TRIO: variants seen among roughly 807,000 people sequenced by gnomAD.
TRIO encodes trio Rho guanine nucleotide exchange factor, also known as triple functional domain protein.
In TRIO, 58 loss-of-function variants were observed where a neutral mutation model predicts 351.9. That is an observed-to-expected ratio of 0.16 (90% CI 0.13 to 0.21). The LOEUF (loss-of-function observed/expected upper bound fraction) is 0.21. Ranked by LOEUF, TRIO falls within the 10% of genes least tolerant of loss-of-function variation. The pLI is 1.00. For synonymous variants in TRIO, 1,758 were observed against 1,595.7 expected, an observed-to-expected ratio of 1.10 and a Z score of -2.42; for missense variants, 3,201 against 4,027.8, an observed-to-expected ratio of 0.79 and a Z score of 5.56.
At chr5:14,507,000 C>G (rs1296198536) in intron 55 of TRIO, 122 bp from the exon 56 acceptor site, 9 of 1,339,416 alleles carry the variant, frequency 6.7e-6, no homozygotes, top group Non-Finnish European at 8.8e-6. Context: ...AGAGGCACGG[C>G]CCTGAGATCC....
chr5:14,203,764 G>C (rs1414399798), intron 1 of TRIO, among the ~76,000 whole-genome samples: 2 of 152,088 alleles, frequency 1.3e-5, no homozygotes, highest in Non-Finnish European at 2.9e-5. Context: ...CCTGCCCCTT[G>C]CTAGGTGCTG....
Position 14,497,825 on chromosome 5 carries a change from T to C in TRIO, c.8020-22T>C. 1 of 1,614,202 alleles carries C rather than the reference T, an allele frequency of 6.2e-7. No homozygotes were observed. The highest frequency in any genetic ancestry group is 8.5e-7 in the Non-Finnish European group (1 of 1,180,008). On this transcript the variant is annotated intron_variant, in intron 50 of 56. Coordinates refer to ENST00000344204, the MANE Select transcript of TRIO (RefSeq NM_007118.4). The surrounding 1 kb of genome is among the most constrained non-coding windows in gnomAD (Gnocchi z 4.4). ...TAAAGTAGCTCATTTCAGTTAATGC[T>C]TGTTTGCTGTTTCCATTTCAGCTTC... is the stretch of plus-strand genomic sequence containing the variant.
intron 9 of TRIO, among the ~76,000 whole-genome samples, chr5:14,320,360 G>C (rs763183029): frequency 1.3e-5 from 2 of 152,136 alleles, no homozygotes; most frequent in Admixed American, 6.5e-5. Flanking sequence ...TTCGGCTGGC[G>C]TGGCTCTTCT....
intron 18 of TRIO, among the ~76,000 whole-genome samples, chr5:14,370,068 A>G (rs1169863284): frequency 6.6e-6 from 1 of 152,118 alleles, no homozygotes; most frequent in Non-Finnish European, 1.5e-5. Flanking sequence ...CTCTCTGAGA[A>G]GCTTTAATGA....
intron 2 of TRIO, among the ~76,000 whole-genome samples, chr5:14,276,752 A>G (rs1008258600): frequency 1.3e-5 from 2 of 152,244 alleles, no homozygotes; most frequent in African/African-American, 4.8e-5. Context: ...TTCTTTCTAA[A>G]TAAGTGAAAG....
intron 11 of TRIO, among the ~76,000 whole-genome samples, chr5:14,347,946 G>C (rs796398688): frequency 6.6e-6 from 1 of 152,328 alleles, no homozygotes; most frequent in African/African-American, 2.4e-5. Flanking sequence ...TCAGTACAGA[G>C]TAAGAATCAC....
chr5:14,183,584 C>CT (rs1481113922), intron 1 of TRIO, among the ~76,000 whole-genome samples: 1 of 61,572 alleles, frequency 1.6e-5, no homozygotes, highest in Non-Finnish European at 3.5e-5. Context: ...TAAAGAAACT[C>CT]TGAGTAATTA....
intron 7 of TRIO, among the ~76,000 whole-genome samples, chr5:14,298,542 A>T (rs183105731): frequency 1.3e-5 from 2 of 152,350 alleles, no homozygotes; most frequent in East Asian, 3.9e-4. Context: ...TATCTCTTTC[A>T]TCTAGAAACA....
intron 9 of TRIO, among the ~76,000 whole-genome samples, chr5:14,320,929 G>A (rs164940): frequency 0.013 from 1,947 of 152,282 alleles, 42 homozygotes; most frequent in African/African-American, 0.044. Flanking sequence ...GTGAGGGGTG[G>A]ATGAAACTTG....
chr5:14,406,813 C>T (rs924910739), intron 33 of TRIO, 141 bp downstream of exon 33: 22 of 764,350 alleles, frequency 2.9e-5, no homozygotes, highest in Non-Finnish European at 4.5e-5. Flanking sequence ...GCCAGGATCC[C>T]GTGGTGGGGC....
intron 1 of TRIO, among the ~76,000 whole-genome samples, chr5:14,235,277 C>T (rs962696525): frequency 6.6e-6 from 1 of 152,132 alleles, no homozygotes; most frequent in Admixed American, 6.5e-5. Context: ...TAATAGTCAA[C>T]TTCATTAATA....
At chr5:14,187,060 G>T (rs918897860) in intron 1 of TRIO, among the ~76,000 whole-genome samples, 39 of 152,170 alleles carry the variant, frequency 2.6e-4, no homozygotes, top group African/African-American at 8.9e-4. Context: ...TGGAGAAGTC[G>T]TGTGATGAAG....
intron 1 of TRIO, among the ~76,000 whole-genome samples, chr5:14,182,633 C>T (rs116662978): frequency 1.4e-3 from 219 of 152,212 alleles, no homozygotes; most frequent in African/African-American, 5.1e-3. Flanking sequence ...AAGAAAATGC[C>T]ATTAATTATT....
chr5:14,291,525 A>G (rs1001909483), intron 5 of TRIO, among the ~76,000 whole-genome samples: 1 of 151,922 alleles, frequency 6.6e-6, no homozygotes, highest in African/African-American at 2.4e-5. Flanking sequence ...GGCCGTGCTC[A>G]CGCCTGTAAT....
At position 14,401,014 on chromosome 5, in the gene TRIO, G is replaced by T; in HGVS notation, c.4666G>T (p.Ala1556Ser). 1 of 1,614,110 alleles carries T rather than the reference G, an allele frequency of 6.2e-7. No individual in the cohort carries two copies. The highest frequency in any genetic ancestry group is 8.5e-7 in the Non-Finnish European group (1 of 1,180,012). Residue 1556 changes from alanine (A) to serine (S), a missense_variant, in exon 31 of 57, where the codon GCA becomes TCA. Ala to Ser is a moderately conservative substitution (Grantham distance 99). Coordinates refer to ENST00000344204, the MANE Select transcript of TRIO (RefSeq NM_007118.4). ...TGTTGAAGGAGACCCTTGCAAATTT[G>T]CACTGTGGGTGGGGAGAACACCAAC... ...EHVEGDPCKF[A>S]LWVGRTPTSD...
At chr5:14,271,659 C>G (rs1165809323) in intron 2 of TRIO, among the ~76,000 whole-genome samples, 1 of 152,228 alleles carries the variant, frequency 6.6e-6, no homozygotes, top group East Asian at 1.9e-4. Flanking sequence ...CAAGATTTTT[C>G]TGCTCTATCA....
At chr5:14,411,965 G>A (rs530440270) in intron 33 of TRIO, among the ~76,000 whole-genome samples, 12 of 150,642 alleles carry the variant, frequency 8.0e-5, no homozygotes, top group South Asian at 2.1e-4. Context: ...GAGGTTCTAT[G>A]TGTTGTTTTT....
chr5:14,483,110 G>T (rs1171359387), intron 46 of TRIO, among the ~76,000 whole-genome samples: 1 of 152,194 alleles, frequency 6.6e-6, no homozygotes, highest in Non-Finnish European at 1.5e-5. Flanking sequence ...TCTATGATCA[G>T]AGAAAAAGTT....
intron 9 of TRIO, among the ~76,000 whole-genome samples, chr5:14,325,472 C>T (rs1740289917): frequency 6.6e-6 from 1 of 152,118 alleles, no homozygotes; most frequent in Non-Finnish European, 1.5e-5. Flanking sequence ...AGGTGCTGGG[C>T]TCTTTTCAAC....
Sources: gnomAD v4.1 joint callset for allele counts (sites outside exome capture counted in the v4.1 genomes callset) on GRCh38, gnomAD v4.1.1 for gene constraint, Gnocchi (gnomAD v3.1) non-coding constraint, MANE v1.5 for transcripts, NCBI Gene and HGNC (gene_info 2026-07-23, HGNC 2026-07-21) for gene names.